Variants in SEC63 observed in about 807,000 individuals in gnomAD.
SEC63 encodes the protein translocation protein SEC63 homolog.
Under a neutral mutation model 116.2 loss-of-function variants are expected in SEC63, and 56 were observed. That is an observed-to-expected ratio of 0.48 (90% CI 0.39 to 0.60). The LOEUF is 0.60. Among genes scored for constraint, SEC63 ranks in the 20% least tolerant of loss-of-function variants. The pLI is 0.00. For synonymous variants in SEC63, 273 were observed against 294.6 expected (o/e 0.93, Z 0.75); for missense variants, 668 against 900.0 (o/e 0.74, Z 3.30).
chr6:107,903,779 C>A (rs1583743315), intron 11 of SEC63, among the ~76,000 whole-genome samples: 1 of 152,080 alleles, frequency 6.6e-6, no homozygotes, highest in South Asian at 2.1e-4. Flanking sequence ...AAAAAATGAC[C>A]TAACTCAAAA....
At chr6:107,909,787 C>CA (rs986401460) in intron 7 of SEC63, among the ~76,000 whole-genome samples, 5 of 152,126 alleles carry the variant, frequency 3.3e-5, no homozygotes, top group Non-Finnish European at 5.9e-5. Flanking sequence ...ATTCTTGCAA[C>CA]AATCCTTTGA....
chr6:107,942,850 GTTA>G (rs1770406548), intron 1 of SEC63, among the ~76,000 whole-genome samples: 2 of 152,332 alleles, frequency 1.3e-5, no homozygotes, highest in Middle Eastern at 3.5e-3. Context: ...TTACAGTACT[GTTA>G]TTAATACCTT....
At chr6:107,918,055 G>A (rs1433604534) in intron 4 of SEC63, among the ~76,000 whole-genome samples, 2 of 152,206 alleles carry the variant, frequency 1.3e-5, no homozygotes, top group African/African-American at 4.8e-5. Context: ...TTTCTTGGTA[G>A]GGGCTAACGT....
intron 1 of SEC63, among the ~76,000 whole-genome samples, chr6:107,937,284 G>A (rs1192361923): frequency 6.6e-6 from 1 of 151,920 alleles, no homozygotes; most frequent in African/African-American, 2.4e-5. Context: ...CACCACACCC[G>A]GCTAGCTAAT....
At chr6:107,927,209 C>T (rs746099546) in intron 2 of SEC63, among the ~76,000 whole-genome samples, 9 of 152,060 alleles carry the variant, frequency 5.9e-5, no homozygotes, top group African/African-American at 9.7e-5. Flanking sequence ...ACCACAGGCA[C>T]GCACCACCAT....
chr6:107,957,628 G>A (rs866098693), intron 1 of SEC63: 4 of 304,684 alleles, frequency 1.3e-5, no homozygotes, highest in Admixed American at 5.2e-5. Context: ...GGCAGGAGGA[G>A]GCTGCAAGGA....
At chr6:107,956,655 T>G (rs1212471230) in intron 1 of SEC63, among the ~76,000 whole-genome samples, 1 of 152,224 alleles carries the variant, frequency 6.6e-6, no homozygotes, top group African/African-American at 2.4e-5. Flanking sequence ...GATGCAATCC[T>G]TTGTTACTAT....
chr6:107,902,611 A>C (rs1002595796), intron 12 of SEC63, among the ~76,000 whole-genome samples: 3 of 152,186 alleles, frequency 2.0e-5, no homozygotes, highest in Non-Finnish European at 4.4e-5. Context: ...TGACTTTTTA[A>C]ATGCAACAAC....
rs201986291 is a variant in SEC63, at chr6:107,901,524, A to G, written c.1210-7T>C. 8 of 745,244 alleles carry G rather than the reference A, an allele frequency of 1.1e-5. No homozygotes were observed. Among genetic ancestry groups the G allele is most frequent in the Non-Finnish European group, 1.5e-5 (8 of 526,086 alleles). The allele number at this position is 745,244 out of a possible 1,614,324, so 46.2% of individuals were successfully genotyped here. On this transcript the variant is annotated splice_region_variant and splice_polypyrimidine_tract_variant and intron_variant, in intron 12 of 20. Transcript: ENST00000369002. ...GGATAGTTTTAATTTTATACTGAAT[A>G]AAAAAAAAAAAGAAAATACATAATT...
chr6:107,946,272 G>A lies in SEC63; in HGVS notation c.124+11614C>T, dbSNP rs573480879. ...TTTTAGACAAGAGTCTCACTCTGTCGCCCGGGCCAGAGTGCAGTGGCACAA... is the reference window on the plus strand; with the variant it reads ...TTTTAGACAAGAGTCTCACTCTGTCACCCGGGCCAGAGTGCAGTGGCACAA... On this transcript the variant is annotated intron_variant, in intron 1 of 20. Coordinates refer to ENST00000369002, the MANE Select transcript of SEC63 (RefSeq NM_007214.5). Among the ~76,000 whole-genome samples the A allele has an allele frequency of 3.3e-5, 5 of 150,816 alleles. No individual in the cohort carries two copies. In the East Asian group the frequency reaches 5.9e-4, roughly 18 times the overall value.
At chr6:107,939,162 A>G (rs1016714667) in intron 1 of SEC63, among the ~76,000 whole-genome samples, 4 of 152,158 alleles carry the variant, frequency 2.6e-5, no homozygotes, top group African/African-American at 9.7e-5. Flanking sequence ...ACACACCTAC[A>G]GTCCCAGGTA....
intron 2 of SEC63, among the ~76,000 whole-genome samples, chr6:107,927,635 T>A (rs1043461189): frequency 6.6e-6 from 1 of 152,132 alleles, no homozygotes; most frequent in Non-Finnish European, 1.5e-5. Flanking sequence ...TGAAAACAGG[T>A]TCAGATACCC....
At position 107,869,432 on chromosome 6, in the gene SEC63, T is replaced by C. The variant is rs375774624; in HGVS notation, c.*2272A>G. 2.6e-5 allele frequency: 4 copies of C among 152,224 alleles called. No homozygotes were observed. In the East Asian group the frequency reaches 7.7e-4, roughly 29 times the overall value. 9.4% of individuals were successfully genotyped at this position (152,224 alleles called of 1,614,324 possible). ...TTAACTGTTTCAATTTCACTTCCTA[T>C]ACACTGTATGATCTATAGGCTCATC... On this transcript the variant is annotated 3_prime_UTR_variant, in exon 21 of 21. Coordinates refer to ENST00000369002, the MANE Select transcript of SEC63 (RefSeq NM_007214.5).
At position 107,904,718 on chromosome 6, in the gene SEC63, T is replaced by C. The variant is rs1197460902; in HGVS notation, c.965A>G (p.Gln322Arg). 2.5e-6 allele frequency: 4 copies of C among 1,610,356 alleles called. No homozygotes were observed. Among genetic ancestry groups the C allele is most frequent in the Non-Finnish European group, 3.4e-6 (4 of 1,176,528 alleles). Residue 322 changes from glutamine (Q) to arginine (R), a missense_variant, in exon 11 of 21, where the codon CAG becomes CGG. Coordinates refer to ENST00000369002, the MANE Select transcript of SEC63 (RefSeq NM_007214.5). ...AGGACACTTTTTTAGCATGAATTGC[T>C]GATCTGCAAAACAATAAAAAACCTG... ...MKIPETLEED[Q>R]QFMLKKCPAL...
intron 14 of SEC63, among the ~76,000 whole-genome samples, chr6:107,895,823 G>A (rs1391877249): frequency 1.5e-5 from 2 of 137,692 alleles, no homozygotes; most frequent in Non-Finnish European, 3.0e-5. Flanking sequence ...AGGAGTTTGA[G>A]ATCAGCTGGG....
In SEC63 at chr6:107,957,773, C is replaced by A. The variant is rs927304862; in HGVS notation, c.124+113G>T. ...ACGCTGGACACAGGCCGGGCCGCAC[C>A]GTCCCTGTCATCCCGGACGCCGCGG... On this transcript the variant is annotated intron_variant, in intron 1 of 20. Coordinates refer to ENST00000369002, the MANE Select transcript of SEC63 (RefSeq NM_007214.5). The A allele has an allele frequency of 1.9e-5, 22 of 1,172,144 alleles. 1 individual carries two copies. In the Admixed American group the frequency reaches 7.9e-4, roughly 42 times the overall value. The allele number at this position is 1,172,144 out of a possible 1,614,324, so 72.6% of individuals were successfully genotyped here.
intron 7 of SEC63, among the ~76,000 whole-genome samples, chr6:107,910,609 A>G (rs890300293): frequency 4.6e-5 from 7 of 152,164 alleles, no homozygotes; most frequent in Admixed American, 3.9e-4. Flanking sequence ...CACACGTGTC[A>G]TACATATATG....
chr6:107,936,353 G>A (rs1004742229), intron 1 of SEC63, among the ~76,000 whole-genome samples: 1 of 152,146 alleles, frequency 6.6e-6, no homozygotes, highest in Non-Finnish European at 1.5e-5. Context: ...CTAAATATTC[G>A]TGGTACACAT....
At chr6:107,954,482 C>CA (rs4028832) in intron 1 of SEC63, 97,723 of 116,890 alleles carry the variant, frequency 0.84, 40,820 homozygotes, top group South Asian at 0.89. Context: ...AAAAAAAAAT[C>CA]AAAAAAAAAA....
Sources: gnomAD v4.1 joint callset for allele counts (sites outside exome capture counted in the v4.1 genomes callset) on GRCh38, gnomAD v4.1.1 for gene constraint, MANE v1.5 for transcripts, NCBI Gene and HGNC (gene_info 2026-07-23, HGNC 2026-07-21) for gene names.